The following SMAGP variants were observed in gnomAD, a reference collection of about 807,000 sequenced individuals.
The protein encoded by SMAGP is small cell adhesion glycoprotein.
Under a neutral mutation model 10.1 loss-of-function variants are expected in SMAGP, and 7 were observed. The observed-to-expected ratio is 0.70, with a 90% CI of 0.40 to 1.31. SMAGP has a LOEUF of 1.31. Ranked by LOEUF, SMAGP falls within the 50% of genes most tolerant of loss-of-function variation. The pLI, the probability that SMAGP is intolerant of heterozygous loss-of-function variation, is 0.01. For synonymous variants in SMAGP, 49 were observed against 47.2 expected, an observed-to-expected ratio of 1.04 and a Z score of -0.16; for missense variants, 113 against 116.5, an observed-to-expected ratio of 0.97 and a Z score of 0.14.
intron 2 of SMAGP, among the ~76,000 whole-genome samples, chr12:51,261,600 G>A (rs1182238303): frequency 6.6e-6 from 1 of 152,142 alleles, no homozygotes; most frequent in African/African-American, 2.4e-5. Context: ...CTGGACAAAA[G>A]CTACGTAGCA....
chr12:51,269,947 C>G (rs534720290), intron 1 of SMAGP: 1 of 152,180 alleles, frequency 6.6e-6, no homozygotes, highest in Admixed American at 6.6e-5. Flanking sequence ...GCCCCGCGCC[C>G]CGGAGATCCT....
At chr12:51,254,876 GC>G (rs1944872253) in intron 2 of SMAGP, among the ~76,000 whole-genome samples, 1 of 152,202 alleles carries the variant, frequency 6.6e-6, no homozygotes, top group South Asian at 2.1e-4. Flanking sequence ...CAGTATGGAG[GC>G]CCCTGAGTGG....
intron 2 of SMAGP, among the ~76,000 whole-genome samples, chr12:51,250,795 A>G (rs1241335543): frequency 6.6e-6 from 1 of 152,172 alleles, no homozygotes; most frequent in Non-Finnish European, 1.5e-5. Context: ...CTCCTCTGGT[A>G]TATGGGTTGA....
intron 2 of SMAGP, among the ~76,000 whole-genome samples, chr12:51,257,079 C>T (rs11608645): frequency 0.023 from 3,535 of 152,232 alleles, 73 homozygotes; most frequent in Middle Eastern, 0.041. Context: ...AATGCTTACA[C>T]AAAATTTCTC....
chr12:51,252,837 T>A (rs1469982091), intron 2 of SMAGP, among the ~76,000 whole-genome samples: 1 of 151,444 alleles, frequency 6.6e-6, no homozygotes, highest in Non-Finnish European at 1.5e-5. Context: ...AGAGAATCAT[T>A]TTTTTGCACT....
At chr12:51,269,175 C>A (rs1184573964) in intron 2 of SMAGP, 70 bp downstream of exon 2, 6 of 1,581,180 alleles carry the variant, frequency 3.8e-6, no homozygotes, top group Non-Finnish European at 5.2e-6. Flanking sequence ...CTGAGGCTTC[C>A]AGGACTGGTC....
chr12:51,248,900 CAAAAAAAA>C (rs545881552), intron 2 of SMAGP, among the ~76,000 whole-genome samples: 47 of 95,630 alleles, frequency 4.9e-4, no homozygotes, highest in African/African-American at 2.1e-3. Context: ...AAAAATACCA[CAAAAAAAA>C]AAAAAAAAAA....
intron 2 of SMAGP, among the ~76,000 whole-genome samples, chr12:51,268,103 C>T (rs1944992752): frequency 6.6e-6 from 1 of 152,128 alleles, no homozygotes; most frequent in Admixed American, 6.6e-5. Context: ...TCTCAGAGTG[C>T]TGAGCAGTAG....
At chr12:51,252,127 T>C (rs1944844886) in intron 2 of SMAGP, among the ~76,000 whole-genome samples, 1 of 150,854 alleles carries the variant, frequency 6.6e-6, no homozygotes, top group Non-Finnish European at 1.5e-5. Flanking sequence ...AGAGTCTCGC[T>C]CTGTCACCCA....
intron 2 of SMAGP, among the ~76,000 whole-genome samples, chr12:51,258,483 C>T (rs959365163): frequency 9.6e-6 from 1 of 103,686 alleles, no homozygotes; most frequent in African/African-American, 4.0e-5. Flanking sequence ...CCAGCTACTA[C>T]TGGGAGGCTG....
chr12:51,249,905 C>T (rs1172027116), intron 2 of SMAGP, among the ~76,000 whole-genome samples: 3 of 152,070 alleles, frequency 2.0e-5, no homozygotes, highest in African/African-American at 7.2e-5. Context: ...GTGTGAGCCA[C>T]TGTGCCTCGC....
chr12:51,252,946 A>G (rs1258183340), intron 2 of SMAGP, among the ~76,000 whole-genome samples: 4 of 152,182 alleles, frequency 2.6e-5, no homozygotes, highest in African/African-American at 9.6e-5. Context: ...ACCAGATATG[A>G]CAGCCAAAGG....
intron 2 of SMAGP, among the ~76,000 whole-genome samples, chr12:51,248,219 C>T (rs1266851784): frequency 6.6e-6 from 1 of 152,068 alleles, no homozygotes; most frequent in East Asian, 1.9e-4. Context: ...TCTTTCCACG[C>T]GGGCCCAGGG....
intron 2 of SMAGP, among the ~76,000 whole-genome samples, chr12:51,268,769 A>G (rs1326663004): frequency 2.6e-5 from 4 of 151,962 alleles, no homozygotes; most frequent in African/African-American, 9.7e-5. Flanking sequence ...TATTTTTAGT[A>G]GAGATGGAGT....
At chr12:51,253,090 C>T (rs566791059) in intron 2 of SMAGP, among the ~76,000 whole-genome samples, 1 of 152,148 alleles carries the variant, frequency 6.6e-6, no homozygotes, top group Non-Finnish European at 1.5e-5. Flanking sequence ...TGATGTGACT[C>T]CCCAGCAAAG....
intron 2 of SMAGP, among the ~76,000 whole-genome samples, chr12:51,260,973 T>C (rs1944927494): frequency 6.6e-6 from 1 of 150,744 alleles, no homozygotes. Context: ...GTATTTTTAG[T>C]AGAGAGGGGG....
intron 2 of SMAGP, among the ~76,000 whole-genome samples, chr12:51,258,407 C>T (rs550814536): frequency 6.6e-6 from 1 of 152,116 alleles, no homozygotes; most frequent in Non-Finnish European, 1.5e-5. Context: ...GCCTGGCCAA[C>T]ATGGTGAAAC....
intron 2 of SMAGP, among the ~76,000 whole-genome samples, chr12:51,266,357 A>AGAGT (rs1375548972): frequency 2.6e-5 from 4 of 152,126 alleles, no homozygotes; most frequent in African/African-American, 9.7e-5. Flanking sequence ...GTGTTCAAGT[A>AGAGT]ACCCTTATTT....
chr12:51,269,441 T>C, intron 1 of SMAGP, 125 bp from the exon 2 acceptor site: 1 of 676,702 alleles, frequency 1.5e-6, no homozygotes, highest in South Asian at 1.8e-5. Context: ...TCTCTTGTCC[T>C]CTTCTGGTTT....
Sources: gnomAD v4.1 joint callset for allele counts (sites outside exome capture counted in the v4.1 genomes callset) on GRCh38, gnomAD v4.1.1 for gene constraint, MANE v1.5 for transcripts, NCBI Gene and HGNC (gene_info 2026-07-23, HGNC 2026-07-21) for gene names.